SHF: variants seen among roughly 807,000 people sequenced by gnomAD.
SHF encodes the protein Src homology 2 domain containing F.
Under a neutral mutation model 42.4 loss-of-function variants are expected in SHF, and 30 were observed. That is an observed-to-expected ratio of 0.71 (90% CI 0.53 to 0.96). The LOEUF (loss-of-function observed/expected upper bound fraction) is 0.96. Ranked by LOEUF, SHF falls within the 40% of genes least tolerant of loss-of-function variation. The probability of loss-of-function intolerance (pLI) is 0.00; values close to 1 mark genes in which losing one functional copy is unlikely to be tolerated. For synonymous variants in SHF, 264 were observed against 269.9 expected (o/e 0.98, Z 0.21); for missense variants, 598 against 634.0 (o/e 0.94, Z 0.61).
intron 3 of SHF, among the ~76,000 whole-genome samples, chr15:45,174,901 T>C (rs1023602773): frequency 3.3e-5 from 5 of 152,192 alleles, no homozygotes; most frequent in African/African-American, 1.2e-4. Flanking sequence ...GTCACGAGTT[T>C]CATAAGTTTG....
intron 1 of SHF, among the ~76,000 whole-genome samples, chr15:45,184,314 T>G (rs1283374498): frequency 6.6e-6 from 1 of 152,214 alleles, no homozygotes; most frequent in African/African-American, 2.4e-5. Context: ...AATCTGTGCC[T>G]GGAGGACCCA....
At chr15:45,175,003 G>C (rs1394634990) in intron 3 of SHF, among the ~76,000 whole-genome samples, 4 of 152,104 alleles carry the variant, frequency 2.6e-5, no homozygotes, top group Admixed American at 2.6e-4. Context: ...GCAGGGGAAT[G>C]CCTTCATCCT....
chr15:45,184,073 GCAAA>G (rs1021247422), intron 1 of SHF, among the ~76,000 whole-genome samples: 3 of 152,206 alleles, frequency 2.0e-5, no homozygotes, highest in South Asian at 4.1e-4. Context: ...AAACATTAAA[GCAAA>G]CAAACAAACC....
At chr15:45,174,829 T>C (rs1457943141) in intron 3 of SHF, among the ~76,000 whole-genome samples, 1 of 152,174 alleles carries the variant, frequency 6.6e-6, no homozygotes, top group Admixed American at 6.5e-5. Flanking sequence ...GTTACACCCA[T>C]AGCTGTCTTT....
At chr15:45,175,548 G>T (rs904320563) in intron 2 of SHF, 123 bp from the exon 3 acceptor site, 13 of 961,102 alleles carry the variant, frequency 1.4e-5, no homozygotes, top group Non-Finnish European at 1.9e-5. Context: ...GCTCTGGGGG[G>T]AGCTCAGCAA....
intron 2 of SHF, among the ~76,000 whole-genome samples, chr15:45,195,787 T>A (rs1898844918): frequency 6.6e-6 from 1 of 152,198 alleles, no homozygotes; most frequent in Admixed American, 6.5e-5. Context: ...GCTTTGGGTG[T>A]CCAGTTCTGT....
At chr15:45,179,010 T>C (rs1201753904) in intron 1 of SHF, among the ~76,000 whole-genome samples, 1 of 152,180 alleles carries the variant, frequency 6.6e-6, no homozygotes, top group African/African-American at 2.4e-5. Context: ...TACAAAGGTG[T>C]TGGAAGAGTT....
Position 45,187,455 on chromosome 15 carries a change from C to T in SHF, c.497G>A (p.Arg166Lys). The change falls in exon 1 of 7, where the codon AGG becomes AAG. Residue 166 changes from arginine to lysine, a missense_variant and splice_region_variant. Arg to Lys is a conservative substitution (Grantham distance 26). Coordinates refer to ENST00000690270, the MANE Select transcript of SHF (RefSeq NM_001394037.1). ...ATCCCGGCCCGGCGCGGCACTCACC[C>T]TATCGCTGCTGGCGGGGGGTCCGGA... is the stretch of plus-strand genomic sequence containing the variant. ...RISGPPASSD[R>K]LAILEDYADP... 8.1e-7 allele frequency: 1 copy of T among 1,232,600 alleles called. No individual in the cohort carries two copies. Among genetic ancestry groups the T allele is most frequent in the Non-Finnish European group, 1.0e-6 (1 of 988,232 alleles). 76.4% of individuals were successfully genotyped at this position (1,232,600 alleles called of 1,614,324 possible).
intron 1 of SHF, among the ~76,000 whole-genome samples, chr15:45,178,967 G>A (rs754399028): frequency 1.3e-5 from 2 of 152,268 alleles, no homozygotes; most frequent in African/African-American, 4.8e-5. Context: ...ACACCAGGTG[G>A]TTCAACAAAG....
chr15:45,185,388 T>C (rs1898337875), intron 1 of SHF, among the ~76,000 whole-genome samples: 1 of 152,242 alleles, frequency 6.6e-6, no homozygotes. Context: ...CTCAGGTACC[T>C]TGTTTGAGCT....
upstream of SHF, among the ~76,000 whole-genome samples, chr15:45,192,460 C>G (rs777059244): frequency 3.3e-5 from 5 of 150,508 alleles, no homozygotes; most frequent in Non-Finnish European, 7.4e-5. Context: ...CTCTGCCTCC[C>G]GGGTTCACGC....
chr15:45,186,709 G>T (rs959447761), intron 1 of SHF, among the ~76,000 whole-genome samples: 3 of 152,240 alleles, frequency 2.0e-5, no homozygotes, highest in Admixed American at 1.3e-4. Flanking sequence ...AGGAGGAATG[G>T]GCTCAGCTGC....
intron 1 of SHF, 43 bp downstream of exon 1, chr15:45,187,411 A>C (rs1898483358): frequency 8.1e-7 from 1 of 1,231,240 alleles, no homozygotes; most frequent in Non-Finnish European, 1.0e-6. Context: ...CAGACCCCTG[A>C]CCGCCTTCCC....
chr15:45,191,724 TG>T (rs1458288897), upstream of SHF, among the ~76,000 whole-genome samples: 2 of 152,228 alleles, frequency 1.3e-5, no homozygotes, highest in African/African-American at 4.8e-5. Flanking sequence ...TCCCCATTTT[TG>T]TCATGTAAGT....
intron 1 of SHF, among the ~76,000 whole-genome samples, chr15:45,183,886 A>G (rs1047006042): frequency 6.6e-6 from 1 of 152,236 alleles, no homozygotes; most frequent in African/African-American, 2.4e-5. Flanking sequence ...CAGCAACGGC[A>G]GCACAGATGG....
In SHF at chr15:45,168,067, C is replaced by G; in HGVS notation, c.1347G>C (p.Gln449His). ...GGACGCTGCTGAAGGGCGGGCTGTT[C>G]TGGCCCAGCACATATTTGTGTTCCT... ...RTKEHKYVLG[Q>H]NSPPFSSVPE... Residue 449 changes from glutamine (Q) to histidine (H), a missense_variant, in exon 7 of 7, where the codon CAG becomes CAC. Gln to His is a conservative substitution (Grantham distance 24, BLOSUM62 0). Coordinates refer to ENST00000690270, the MANE Select transcript of SHF (RefSeq NM_001394037.1). The G allele has an allele frequency of 1.2e-6, 2 of 1,613,182 alleles. No homozygotes were observed. The highest frequency in any genetic ancestry group is 1.7e-6 in the Non-Finnish European group (2 of 1,179,460).
upstream of SHF, among the ~76,000 whole-genome samples, chr15:45,188,907 T>A (rs569767571): frequency 1.6e-4 from 25 of 152,308 alleles, no homozygotes; most frequent in African/African-American, 5.5e-4. Flanking sequence ...ATAAAGCCAG[T>A]TCCGGCTGGG....
intron 1 of SHF, among the ~76,000 whole-genome samples, chr15:45,186,849 G>A (rs954794153): frequency 6.6e-6 from 1 of 152,248 alleles, no homozygotes; most frequent in African/African-American, 2.4e-5. Flanking sequence ...GCCTGTCTTC[G>A]CCTCCTGAGA....
At chr15:45,173,476 T>C (rs1240132845) in intron 4 of SHF, 100 bp downstream of exon 4, 1 of 1,407,782 alleles carries the variant, frequency 7.1e-7, no homozygotes, top group East Asian at 2.6e-5. Flanking sequence ...CTTCCTGGGG[T>C]CTCCAAATCC....
Sources: gnomAD v4.1 joint callset for allele counts (sites outside exome capture counted in the v4.1 genomes callset) on GRCh38, gnomAD v4.1.1 for gene constraint, MANE v1.5 for transcripts, NCBI Gene and HGNC (gene_info 2026-07-23, HGNC 2026-07-21) for gene names.